CCDC157: variants seen among roughly 807,000 people sequenced by gnomAD.
CCDC157 encodes the protein coiled-coil domain containing 157.
A neutral mutation model predicts 70.9 loss-of-function variants in CCDC157; 60 were observed. The ratio of observed to expected loss-of-function variants is 0.85; its 90% CI spans 0.69 to 1.05. The LOEUF is 1.05. CCDC157 is among the 50% of genes least tolerant of loss of function. The pLI is 0.00. For synonymous variants in CCDC157, 373 were observed against 422.4 expected (o/e 0.88, Z 1.43); for missense variants, 943 against 984.2 (o/e 0.96, Z 0.56).
Position 30,370,579 on chromosome 22 carries a change from C to T in CCDC157, c.674C>T (p.Ala225Val). The change falls in exon 5 of 12, where the codon GCC becomes GTC. Residue 225 changes from alanine (A) to valine (V), a missense_variant. Physicochemically the swap from Ala to Val is moderately conservative, Grantham distance 64. Coordinates refer to ENST00000338306, the MANE Select transcript of CCDC157 (RefSeq NM_001017437.5). ...GCCCTGGTGCCCTGTGACGCATGCG[C>T]CAGCGTCCAGGGAAGCCTGCAGAAG... ...ETALVPCDAC[A>V]SVQGSLQKVG... 6.2e-7 allele frequency: 1 copy of T among 1,614,042 alleles called. No individual in the cohort carries two copies. The highest frequency in any genetic ancestry group is 8.5e-7 in the Non-Finnish European group (1 of 1,180,038).
upstream of CCDC157, chr22:30,356,901 C>T: frequency 9.9e-7 from 1 of 1,011,094 alleles, no homozygotes; most frequent in East Asian, 3.3e-5. Flanking sequence ...TGGCGGCGGC[C>T]GAGCGAGTTG....
intron 2 of CCDC157, 165 bp from the exon 3 acceptor site, chr22:30,365,825 G>A (rs1469590279): frequency 1.7e-5 from 11 of 655,500 alleles, no homozygotes; most frequent in African/African-American, 3.6e-5. Context: ...ACCCAGAACC[G>A]GGTCGGAAAG....
At chr22:30,371,189 C>T (rs1190913171) in intron 5 of CCDC157, 39 of 581,044 alleles carry the variant, frequency 6.7e-5, no homozygotes, top group Non-Finnish European at 1.0e-4. Context: ...TGCCCAGACT[C>T]GTCCATCGGT....
chr22:30,371,877 C>A, intron 6 of CCDC157, 150 bp downstream of exon 6: 1 of 784,788 alleles, frequency 1.3e-6, no homozygotes, highest in Non-Finnish European at 2.1e-6. Flanking sequence ...ACACTATTGG[C>A]GATGACCAAA....
At position 30,373,580 on chromosome 22, in the gene CCDC157, T is replaced by A. The variant is rs970648066; in HGVS notation, c.1336-17T>A. On this transcript the variant is annotated splice_polypyrimidine_tract_variant and intron_variant, in intron 7 of 11. Coordinates refer to ENST00000338306, the MANE Select transcript of CCDC157 (RefSeq NM_001017437.5). ...CTGTGGGTCTCACAGCCTCCCTGCT[T>A]GTCCGTTCCTGCTTAGTCTCTGCAG... The A allele has an allele frequency of 1.3e-6, 2 of 1,551,778 alleles. No individual in the cohort carries two copies. The highest frequency in any genetic ancestry group is 3.9e-5 in the Admixed American group (2 of 51,110).
intron 3 of CCDC157, chr22:30,366,761 A>G (rs184635512): frequency 5.5e-6 from 1 of 182,738 alleles, no homozygotes; most frequent in East Asian, 1.5e-4. Context: ...AGCTATCATT[A>G]AAGTTAACAT....
intron 3 of CCDC157, among the ~76,000 whole-genome samples, chr22:30,368,235 G>A (rs1038150907): frequency 1.3e-5 from 2 of 152,172 alleles, no homozygotes; most frequent in African/African-American, 2.4e-5. Context: ...GCAGCTGAAC[G>A]TGTATGAGCA....
chr22:30,356,896 G>A (rs1001484839), upstream of CCDC157: 6 of 1,052,590 alleles, frequency 5.7e-6, no homozygotes, highest in Non-Finnish European at 3.7e-6. Flanking sequence ...CAAGATGGCG[G>A]CGGCCGAGCG....
Position 30,366,170 on chromosome 22 carries a change from A to G in CCDC157, c.170A>G (p.Glu57Gly), listed in dbSNP as rs1932718758. The change falls in exon 3 of 12, where the codon GAG (glutamate) becomes GGG (glycine). Residue 57 changes from glutamate to glycine, a missense_variant. Glu to Gly is a moderately conservative substitution (Grantham distance 98). Transcript: ENST00000338306. Reference protein sequence around the residue: ...ACDLDMVALLEHYDHVPGDPE... With the variant: ...ACDLDMVALLGHYDHVPGDPE... The stretch of plus-strand genomic sequence containing the variant: ...GACCTCGACATGGTGGCCCTGCTGG[A>G]GCACTATGACCATGTTCCGGGTGAC... 1.2e-6 allele frequency: 2 copies of G among 1,613,528 alleles called. No individual in the cohort carries two copies. The highest frequency in any genetic ancestry group is 2.7e-5 in the African/African-American group (2 of 74,898).
At chr22:30,375,941 A>T (rs1933323583) in intron 10 of CCDC157, 3 of 537,600 alleles carry the variant, frequency 5.6e-6, no homozygotes, top group Non-Finnish European at 9.8e-6. Flanking sequence ...TAATCCCAAC[A>T]ATTTGAGAGG....
chr22:30,376,192 C>T (rs1422692072), intron 10 of CCDC157, 67 bp from the exon 11 acceptor site: 3 of 1,446,162 alleles, frequency 2.1e-6, no homozygotes, highest in African/African-American at 2.9e-5. Flanking sequence ...GCTACGACAC[C>T]CTCTCTGTAC....
At position 30,378,421 on chromosome 22, in the gene CCDC157, G is replaced by C. The variant is rs1933460685; in HGVS notation, c.*1676G>C. On this transcript the variant is annotated 3_prime_UTR_variant, in exon 12 of 12. Coordinates refer to ENST00000338306, the MANE Select transcript of CCDC157 (RefSeq NM_001017437.5). ...AGGCAGGCGGATCACCTGAGATCGG[G>C]AGTTCGAGACCAGCCTGACCAACAT... 4.6e-6 allele frequency: 1 copy of C among 217,028 alleles called. No individual in the cohort carries two copies. Among genetic ancestry groups the C allele is most frequent in the African/African-American group, 2.3e-5 (1 of 43,730 alleles). The allele number at this position is 217,028 out of a possible 1,614,324, so 13.4% of individuals were successfully genotyped here.
chr22:30,376,060 CCCA>C, intron 10 of CCDC157, 196 bp from the exon 11 acceptor site: 2 of 583,684 alleles, frequency 3.4e-6, no homozygotes, highest in Non-Finnish European at 6.1e-6. Context: ...AAGAAACCTC[CCCA>C]CACTTGCTGC....
In CCDC157 at chr22:30,372,206, G is replaced by A. The variant is rs566789301; in HGVS notation, c.1255G>A (p.Ala419Thr). ...GCTGTTGGTGGGTCGGCTGGAGGGC[G>A]CTGGCCAGCAGGTCTGCTGGGCCAG... ...VQLLVGRLEG[A>T]GQQVCWASTE... The change falls in exon 7 of 12, where the codon GCT becomes ACT. Residue 419 changes from alanine to threonine, a missense_variant. Transcript: ENST00000338306. The A allele has an allele frequency of 5.0e-6, 8 of 1,593,650 alleles. No individual in the cohort carries two copies. The highest frequency in any genetic ancestry group is 3.4e-5 in the South Asian group (3 of 88,000).
At chr22:30,365,248 C>T (rs1076295) in intron 2 of CCDC157, among the ~76,000 whole-genome samples, 30,636 of 151,496 alleles carry the variant, frequency 0.2, 3,354 homozygotes, top group Middle Eastern at 0.36. Flanking sequence ...ATGATTCAGA[C>T]AGAGGGGACA....
chr22:30,377,980 G>C lies in CCDC157; in HGVS notation c.*1235G>C, dbSNP rs867312108. ...CTACCAGGTTGCGTTCCTTTCTGCC[G>C]GTTCTGGGGAAGAATTGGCTTCCAA... On this transcript the variant is annotated 3_prime_UTR_variant, in exon 12 of 12. Coordinates refer to ENST00000338306, the MANE Select transcript of CCDC157 (RefSeq NM_001017437.5). 2.6e-6 allele frequency: 1 copy of C among 385,612 alleles called. No homozygotes were observed. Among genetic ancestry groups the C allele is most frequent in the East Asian group, 7.5e-5 (1 of 13,366 alleles). 23.9% of individuals were successfully genotyped at this position (385,612 alleles called of 1,614,324 possible). A position where few individuals can be genotyped will look rare whatever the true frequency, so the allele number is the denominator to read the frequency against.
At chr22:30,373,190 A>G (rs770215514) in intron 7 of CCDC157, 33 of 199,124 alleles carry the variant, frequency 1.7e-4, no homozygotes, top group Admixed American at 2.6e-4. Context: ...CCTGCTTTCC[A>G]TTCAGTGGGT....
upstream of CCDC157, chr22:30,356,812 G>A: frequency 2.2e-6 from 3 of 1,344,094 alleles, no homozygotes; most frequent in East Asian, 3.1e-5. Context: ...GCTCAGGGCT[G>A]CCAGTCCGCC....
rs529483498 is a variant in CCDC157, at chr22:30,366,188, C to T, written c.188C>T (p.Pro63Leu). Reference sequence around the variant, plus strand: ...CTGCTGGAGCACTATGACCATGTTCCGGGTGACCCCGAGTTCACGCAGCTG... The same window carrying T: ...CTGCTGGAGCACTATGACCATGTTCTGGGTGACCCCGAGTTCACGCAGCTG... ...VALLEHYDHV[P>L]GDPEFTQLSH... Residue 63 changes from proline (P) to leucine (L), a missense_variant, in exon 3 of 12, where the codon CCG becomes CTG. Transcript: ENST00000338306. 4.5e-5 allele frequency: 72 copies of T among 1,613,634 alleles called. No homozygotes were observed. Among genetic ancestry groups the T allele is most frequent in the South Asian group, 3.7e-4 (34 of 91,084 alleles).
Sources: allele counts gnomAD v4.1 joint callset (sites outside exome capture counted in the v4.1 genomes callset), GRCh38; gene constraint gnomAD v4.1.1; transcripts MANE v1.5; gene names NCBI Gene and HGNC (gene_info 2026-07-23, HGNC 2026-07-21).